The following EYS variants were observed in gnomAD, a reference collection of about 807,000 sequenced individuals.
EYS encodes EGF-like photoreceptor maintenance factor.
Under a neutral mutation model 282.1 loss-of-function variants are expected in EYS, and 250 were observed. The ratio of observed to expected loss-of-function variants is 0.89; its 90% CI spans 0.80 to 0.98. EYS has a LOEUF of 0.98. EYS is among the 50% of genes least tolerant of loss of function. The probability of loss-of-function intolerance (pLI) is 0.00; values close to 1 mark genes in which losing one functional copy is unlikely to be tolerated. For missense variants in EYS, 4,016 were observed against 3,709.0 expected (o/e 1.08, Z -2.15); for synonymous variants, 1,355 against 1,282.9 (o/e 1.06, Z -1.20).
chr6:64,208,718 A>G (rs1277759940), intron 31 of EYS, among the ~76,000 whole-genome samples: 1 of 152,120 alleles, frequency 6.6e-6, no homozygotes, highest in Non-Finnish European at 1.5e-5. Flanking sequence ...GAGCTATTTT[A>G]ATAAAGTTTT....
At chr6:65,599,202 A>T (rs1364533013) in intron 2 of EYS, among the ~76,000 whole-genome samples, 1 of 152,078 alleles carries the variant, frequency 6.6e-6, no homozygotes, top group African/African-American at 2.4e-5. Flanking sequence ...GAACCCACCT[A>T]TAGTGATGGC....
chr6:64,909,324 A>T (rs1014536147), intron 16 of EYS, among the ~76,000 whole-genome samples: 1 of 152,198 alleles, frequency 6.6e-6, no homozygotes, highest in Non-Finnish European at 1.5e-5. Context: ...ACAATAAAAT[A>T]AATTTCTAGG....
At chr6:65,200,906 G>T (rs573229287) in intron 12 of EYS, among the ~76,000 whole-genome samples, 1 of 152,138 alleles carries the variant, frequency 6.6e-6, no homozygotes, top group East Asian at 1.9e-4. Context: ...AATTCATTTT[G>T]CCTGAAAATG....
Position 64,319,309 on chromosome 6 carries a change from A to G in EYS, c.6079-12227T>C, listed in dbSNP as rs546401989. Among the ~76,000 whole-genome samples the G allele has an allele frequency of 3.3e-5, 5 of 152,128 alleles. No individual in the cohort carries two copies. In the East Asian group the frequency reaches 7.7e-4, roughly 23 times the overall value. ...GTTTTTGAAATCTATCTTTTTAGCT[A>G]CCTATCTTACTAATAATTAGGTAAA... is the stretch of plus-strand genomic sequence containing the variant. On this transcript the variant is annotated intron_variant, in intron 29 of 42. Transcript: ENST00000503581.
At chr6:65,442,170 T>C (rs1329783460) in intron 5 of EYS, among the ~76,000 whole-genome samples, 1 of 151,980 alleles carries the variant, frequency 6.6e-6, no homozygotes, top group Non-Finnish European at 1.5e-5. Flanking sequence ...ATAATTAGAG[T>C]TCTTCATATA....
At chr6:65,347,314 G>T (rs182742748) in intron 9 of EYS, among the ~76,000 whole-genome samples, 2 of 151,652 alleles carry the variant, frequency 1.3e-5, no homozygotes, top group East Asian at 3.9e-4. Flanking sequence ...TGTAAACTGG[G>T]TGTTTATATT....
At chr6:65,425,561 T>C (rs981439597) in intron 5 of EYS, among the ~76,000 whole-genome samples, 1 of 152,146 alleles carries the variant, frequency 6.6e-6, no homozygotes, top group Admixed American at 6.6e-5. Flanking sequence ...TTCAATAATA[T>C]CTATGTGTTT....
At chr6:65,625,271 C>T (rs548546584) in intron 2 of EYS, among the ~76,000 whole-genome samples, 21 of 152,260 alleles carry the variant, frequency 1.4e-4, no homozygotes, top group South Asian at 8.3e-4. Context: ...GTCAACATTT[C>T]GACTTCTTCC....
intron 22 of EYS, among the ~76,000 whole-genome samples, chr6:64,785,752 C>A (rs138197570): frequency 1.3e-5 from 2 of 152,214 alleles, no homozygotes; most frequent in Non-Finnish European, 2.9e-5. Context: ...ATTTGTCAAG[C>A]ACTATTTTTA....
At chr6:64,441,611 C>G (rs1774950714) in intron 26 of EYS, among the ~76,000 whole-genome samples, 1 of 152,176 alleles carries the variant, frequency 6.6e-6, no homozygotes, top group Non-Finnish European at 1.5e-5. Flanking sequence ...ACCCAAATCT[C>G]ATTTTGTAGC....
chr6:65,330,832 T>C, intron 11 of EYS: 1 of 937,760 alleles, frequency 1.1e-6, no homozygotes, highest in African/African-American at 1.8e-5. Flanking sequence ...CCTATACACA[T>C]TTAGAGTCTA....
intron 1 of EYS, among the ~76,000 whole-genome samples, chr6:65,653,614 G>T (rs1767726710): frequency 6.6e-6 from 1 of 151,872 alleles, no homozygotes; most frequent in African/African-American, 2.4e-5. Flanking sequence ...ACTCATGTAA[G>T]TCTTCTAGAT....
chr6:64,980,866 T>TA (rs901687243), intron 14 of EYS, among the ~76,000 whole-genome samples: 156 of 149,688 alleles, frequency 1.0e-3, no homozygotes, highest in South Asian at 5.2e-3. Context: ...TGAGTTAAGA[T>TA]AAAAAAAAAC....
At chr6:63,965,191 G>A (rs1343708257) in intron 35 of EYS, among the ~76,000 whole-genome samples, 3 of 152,252 alleles carry the variant, frequency 2.0e-5, no homozygotes, top group Middle Eastern at 3.4e-3. Context: ...CCTTTATAGG[G>A]TAGAATTCTT....
At chr6:65,391,131 AT>A (rs1766013733) in intron 7 of EYS, among the ~76,000 whole-genome samples, 1 of 152,024 alleles carries the variant, frequency 6.6e-6, no homozygotes, top group Non-Finnish European at 1.5e-5. Context: ...ATGGAAATTA[AT>A]ACATTGAAGG....
In EYS at chr6:64,590,676, A is replaced by G; in HGVS notation, c.5191T>C (p.Ser1731Pro). The G allele has an allele frequency of 6.4e-7, 1 of 1,551,286 alleles. No homozygotes were observed. Among genetic ancestry groups the G allele is most frequent in the Non-Finnish European group, 8.7e-7 (1 of 1,146,736 alleles). Residue 1731 changes from serine to proline, a missense_variant, in exon 26 of 43, where the codon TCT becomes CCT. Transcript: ENST00000503581. ...SLLDMEKSKG[S>P]HTLFKLHPSD... The stretch of plus-strand genomic sequence containing the variant: ...GGGTGAAGTTTGAACAGTGTATGAG[A>G]TCCTTTACTTTTTTCCATGTCCAAT...
intron 19 of EYS, among the ~76,000 whole-genome samples, chr6:64,880,993 C>T (rs1200565461): frequency 6.6e-6 from 1 of 151,058 alleles, no homozygotes; most frequent in Non-Finnish European, 1.5e-5. Flanking sequence ...TTAAATCCTC[C>T]AACCCTTCTA....
chr6:65,438,544 C>T (rs1768176869), intron 5 of EYS, among the ~76,000 whole-genome samples: 1 of 152,124 alleles, frequency 6.6e-6, no homozygotes, highest in Non-Finnish European at 1.5e-5. Flanking sequence ...TTAATGATCG[C>T]CATTCTAACT....
At chr6:64,543,056 G>A (rs1330081668) in intron 26 of EYS, among the ~76,000 whole-genome samples, 3 of 152,114 alleles carry the variant, frequency 2.0e-5, no homozygotes, top group East Asian at 3.9e-4. Context: ...TTCCATGGTT[G>A]AGTAGATGTT....
Sources: gnomAD v4.1 joint callset for allele counts (sites outside exome capture counted in the v4.1 genomes callset) on GRCh38, gnomAD v4.1.1 for gene constraint, MANE v1.5 for transcripts, NCBI Gene and HGNC (gene_info 2026-07-23, HGNC 2026-07-21) for gene names.